GFRAL: variants seen among roughly 807,000 people sequenced by gnomAD.
The protein encoded by GFRAL is GDNF family receptor alpha like.
Under a neutral mutation model 45.4 loss-of-function variants are expected in GFRAL, and 36 were observed. That is an observed-to-expected ratio of 0.79 (90% CI 0.61 to 1.05). GFRAL has a LOEUF of 1.05. Among genes scored for constraint, GFRAL ranks in the 50% least tolerant of loss-of-function variants. GFRAL has a pLI of 0.00. For synonymous variants in GFRAL, 166 were observed against 154.1 expected (o/e 1.08, Z -0.57); for missense variants, 507 against 467.5 (o/e 1.08, Z -0.78).
chr6:55,345,075 A>T (rs1258237967), intron 3 of GFRAL, among the ~76,000 whole-genome samples: 1 of 152,244 alleles, frequency 6.6e-6, no homozygotes, highest in Non-Finnish European at 1.5e-5. Flanking sequence ...TTCCATGTTC[A>T]TGGATAGGAA....
At position 55,380,233 on chromosome 6, in the gene GFRAL, C is replaced by A. The variant is rs575174967; in HGVS notation, c.953-18947C>A. On this transcript the variant is annotated intron_variant, in intron 6 of 8. Transcript: ENST00000340465. The stretch of plus-strand genomic sequence containing the variant: ...CCATAATGGCTGCCCTAATTTATTT[C>A]CACCAACAGTGTGCTAGGGGTTTCT... 2.0e-5 allele frequency among the ~76,000 whole-genome samples: 3 copies of A among 151,992 alleles called. No homozygotes were observed. In the East Asian group the frequency reaches 5.8e-4, roughly 29 times the overall value.
At chr6:55,359,166 C>G (rs771278992) in intron 6 of GFRAL, 28 bp downstream of exon 6, 179 of 1,518,526 alleles carry the variant, frequency 1.2e-4, no homozygotes, top group Non-Finnish European at 1.5e-4. Flanking sequence ...AATTATCTGT[C>G]TATCTATCTA....
chr6:55,356,553 T>C (rs1029209300), intron 5 of GFRAL, among the ~76,000 whole-genome samples: 15 of 151,956 alleles, frequency 9.9e-5, no homozygotes, highest in Non-Finnish European at 1.0e-4. Flanking sequence ...TCATTTGTAA[T>C]ATTTCCTTTT....
At chr6:55,354,694 A>C (rs1289060047) in intron 5 of GFRAL, among the ~76,000 whole-genome samples, 2 of 152,036 alleles carry the variant, frequency 1.3e-5, no homozygotes, top group Non-Finnish European at 2.9e-5. Context: ...CAGATGAAAA[A>C]CAAATCTCCA....
intron 5 of GFRAL, among the ~76,000 whole-genome samples, chr6:55,352,500 G>A (rs1169928098): frequency 2.0e-5 from 3 of 152,032 alleles, no homozygotes; most frequent in Non-Finnish European, 2.9e-5. Context: ...ATGGTGTCAG[G>A]TAAGATGGCC....
chr6:55,371,092 T>G (rs1487263865), intron 6 of GFRAL, among the ~76,000 whole-genome samples: 1 of 152,198 alleles, frequency 6.6e-6, no homozygotes, highest in Non-Finnish European at 1.5e-5. Flanking sequence ...TATATTTTTT[T>G]CTTTCCTGTC....
At chr6:55,343,289 T>G (rs1220962384) in intron 3 of GFRAL, among the ~76,000 whole-genome samples, 1 of 152,180 alleles carries the variant, frequency 6.6e-6, no homozygotes, top group Admixed American at 6.5e-5. Flanking sequence ...AAAGCACTCC[T>G]TGGCAAACGT....
intron 5 of GFRAL, among the ~76,000 whole-genome samples, chr6:55,357,434 A>G (rs1768210053): frequency 1.3e-5 from 2 of 150,752 alleles, no homozygotes; most frequent in Admixed American, 1.3e-4. Flanking sequence ...TTATCTTTTT[A>G]TAGTTTTTTT....
intron 6 of GFRAL, among the ~76,000 whole-genome samples, chr6:55,367,941 A>AGTATCTTTGTGGC (rs1294780523): frequency 6.8e-6 from 1 of 147,440 alleles, no homozygotes; most frequent in African/African-American, 2.5e-5. Context: ...CTTCTCGAGG[A>AGTATCTTTGTGGC]GTATCTTTGT....
At chr6:55,366,263 A>G (rs1033799505) in intron 6 of GFRAL, among the ~76,000 whole-genome samples, 8 of 151,814 alleles carry the variant, frequency 5.3e-5, no homozygotes, top group African/African-American at 1.9e-4. Flanking sequence ...GATAGTTTGT[A>G]TTTCTATGGG....
chr6:55,376,070 G>C (rs1372967508), intron 6 of GFRAL, among the ~76,000 whole-genome samples: 1 of 152,012 alleles, frequency 6.6e-6, no homozygotes, highest in African/African-American at 2.4e-5. Flanking sequence ...AACATGAAGC[G>C]ATGTTGCATT....
chr6:55,355,773 G>T (rs980018891), intron 5 of GFRAL, among the ~76,000 whole-genome samples: 1 of 151,880 alleles, frequency 6.6e-6, no homozygotes, highest in African/African-American at 2.4e-5. Flanking sequence ...TAATAGTGAT[G>T]AAAGTAGGCA....
chr6:55,379,298 G>A (rs1364640175), intron 6 of GFRAL, among the ~76,000 whole-genome samples: 2 of 151,642 alleles, frequency 1.3e-5, no homozygotes, highest in African/African-American at 2.4e-5. Context: ...TATCTTTTCT[G>A]CTCCTCTCCC....
At position 55,358,952 on chromosome 6, in the gene GFRAL, G is replaced by T. The variant is rs148997298; in HGVS notation, c.766G>T (p.Glu256Ter). Residue 256 changes from glutamate to a stop codon, truncating the protein, a stop_gained, in exon 6 of 9, where the codon GAG becomes TAG. Coordinates refer to ENST00000340465, the MANE Select transcript of GFRAL (RefSeq NM_207410.2). LOFTEE classifies it high-confidence loss of function. ...TGTGACTAGAAAGTGCCATGAAGAT[G>T]AGAATTGCATTAGCACCTTAAGCAA... ...QRVTRKCHED[E>*]NCISTLSKQD... 1.9e-6 allele frequency: 3 copies of T among 1,612,914 alleles called. No individual in the cohort carries two copies. The highest frequency in any genetic ancestry group is 1.3e-5 in the African/African-American group (1 of 74,848).
chr6:55,376,140 GT>G (rs1304269476), intron 6 of GFRAL, among the ~76,000 whole-genome samples: 1 of 152,056 alleles, frequency 6.6e-6, no homozygotes, highest in African/African-American at 2.4e-5. Context: ...CTTTAGTTCT[GT>G]TTATGTAATG....
chr6:55,358,481 A>C (rs1414200971), intron 5 of GFRAL, among the ~76,000 whole-genome samples: 2 of 151,950 alleles, frequency 1.3e-5, no homozygotes, highest in Admixed American at 6.6e-5. Context: ...AACTGACTTG[A>C]AAAGTCAAAT....
intron 6 of GFRAL, among the ~76,000 whole-genome samples, chr6:55,375,409 A>G (rs1768510259): frequency 6.6e-6 from 1 of 152,002 alleles, no homozygotes. Context: ...TTTGTTCATA[A>G]TTTGGCTCTC....
chr6:55,337,998 G>T (rs1001407958), intron 3 of GFRAL, among the ~76,000 whole-genome samples: 10 of 152,148 alleles, frequency 6.6e-5, no homozygotes, highest in African/African-American at 2.4e-4. Context: ...TTTAGCTATA[G>T]CCACACATTC....
intron 3 of GFRAL, 54 bp from the exon 4 acceptor site, chr6:55,350,038 A>T (rs1768095323): frequency 1.8e-6 from 2 of 1,090,836 alleles, no homozygotes; most frequent in African/African-American, 3.1e-5. Context: ...ACGTTTTCCT[A>T]GGAAATTCAG....
Sources: allele counts gnomAD v4.1 joint callset (sites outside exome capture counted in the v4.1 genomes callset), GRCh38; gene constraint gnomAD v4.1.1; transcripts MANE v1.5; gene names NCBI Gene and HGNC (gene_info 2026-07-23, HGNC 2026-07-21).